Variants in TMEM242 observed in about 807,000 individuals in gnomAD.
TMEM242 encodes UPF0463 transmembrane protein C6orf35.
Under a neutral mutation model 18.2 loss-of-function variants are expected in TMEM242, and 10 were observed. The observed-to-expected ratio is 0.55, with a 90% confidence interval of 0.34 to 0.93. The LOEUF is 0.93. Ranked by LOEUF, TMEM242 falls within the 40% of genes least tolerant of loss-of-function variation. TMEM242 has a pLI of 0.02. For missense variants in TMEM242, 186 were observed against 175.5 expected, an observed-to-expected ratio of 1.06 and a Z score of -0.34; for synonymous variants, 57 against 69.9, an observed-to-expected ratio of 0.81 and a Z score of 0.92.
chr6:157,298,511 G>A (rs1777781658), intron 3 of TMEM242, among the ~76,000 whole-genome samples: 1 of 152,166 alleles, frequency 6.6e-6, no homozygotes, highest in Non-Finnish European at 1.5e-5. Context: ...GTACACACAT[G>A]CCCAACATGC....
At chr6:157,304,528 G>A (rs1777883993) in intron 3 of TMEM242, among the ~76,000 whole-genome samples, 1 of 142,030 alleles carries the variant, frequency 7.0e-6, no homozygotes, top group African/African-American at 2.6e-5. Flanking sequence ...TGAAATGGTA[G>A]AAGTGATGTG....
In TMEM242 at chr6:157,289,053, C is replaced by CT. The variant is rs370405479; in HGVS notation, c.*3847dup. On this transcript the variant is annotated 3_prime_UTR_variant, in exon 4 of 4. Transcript: ENST00000400788. ...CTTTAAGTACATTTAATACATTCACCTTTTTTTTTTTTTAAAGTAAGGGAT... is the reference window on the plus strand; with the variant it reads ...CTTTAAGTACATTTAATACATTCACCTTTTTTTTTTTTTTAAAGTAAGGGAT... Among the ~76,000 whole-genome samples the CT allele has an allele frequency of 0.69, 101,253 of 147,088 alleles. 35,220 individuals are homozygous for CT. The highest frequency in any genetic ancestry group is 0.75 in the Non-Finnish European group (50,398 of 66,948).
chr6:157,293,432 CATA>C (rs1777710233), intron 3 of TMEM242, among the ~76,000 whole-genome samples: 1 of 152,122 alleles, frequency 6.6e-6, no homozygotes, highest in South Asian at 2.1e-4. Context: ...GTCAACTCTC[CATA>C]ATAATTATTC....
At chr6:157,315,286 A>G (rs1554250213) in intron 3 of TMEM242, among the ~76,000 whole-genome samples, 1 of 152,238 alleles carries the variant, frequency 6.6e-6, no homozygotes, top group Non-Finnish European at 1.5e-5. Context: ...GGTAAGGTTT[A>G]CCCCTTTACA....
rs782319128 is a variant in TMEM242, at chr6:157,305,437, A to G, written c.328-12438T>C. Among the ~76,000 whole-genome samples, 2 of 152,156 alleles carry G rather than the reference A, an allele frequency of 1.3e-5. No individual in the cohort carries two copies. The highest frequency in any genetic ancestry group is 4.8e-5 in the African/African-American group (2 of 41,426). On this transcript the variant is annotated intron_variant, in intron 3 of 3. Transcript: ENST00000400788. The surrounding 1 kb of genome is among the most constrained non-coding windows in gnomAD (Gnocchi z 4.1). Reference sequence around the variant, plus strand: ...GGAAATCAAGTGCTCTAGTTGGGACATGGGTCATGTGACACGCCTATGAGG... The same window carrying G: ...GGAAATCAAGTGCTCTAGTTGGGACGTGGGTCATGTGACACGCCTATGAGG...
chr6:157,313,541 G>C (rs1385091010), intron 3 of TMEM242, among the ~76,000 whole-genome samples: 1 of 55,642 alleles, frequency 1.8e-5, no homozygotes, highest in Non-Finnish European at 5.5e-5. Context: ...CGTCATCATA[G>C]TGCCCCAGTG....
rs1777671761 is a variant in TMEM242, at chr6:157,290,574, T to A, written c.*2327A>T. The A allele has an allele frequency of 6.6e-6, 1 of 152,196 alleles. No individual in the cohort carries two copies. The highest frequency in any genetic ancestry group is 2.4e-5 in the African/African-American group (1 of 41,440). 9.4% of individuals were successfully genotyped at this position (152,196 alleles called of 1,614,324 possible). On this transcript the variant is annotated 3_prime_UTR_variant, in exon 4 of 4. Coordinates refer to ENST00000400788, the MANE Select transcript of TMEM242 (RefSeq NM_018452.6). The stretch of plus-strand genomic sequence containing the variant: ...TGGTACGTCTCATAAAGAATAACAT[T>A]ATCTGTTCAACATTTTTCCTTTCCA...
At chr6:157,321,051 C>T (rs1562389356) in intron 2 of TMEM242, among the ~76,000 whole-genome samples, 1 of 149,700 alleles carries the variant, frequency 6.7e-6, no homozygotes, top group Non-Finnish European at 1.5e-5. Context: ...CTCTGTCACC[C>T]AGGCTGGAGT....
intron 2 of TMEM242, among the ~76,000 whole-genome samples, chr6:157,320,004 A>G (rs1042053202): frequency 6.6e-6 from 1 of 152,204 alleles, no homozygotes; most frequent in African/African-American, 2.4e-5. Flanking sequence ...AATATTAGAT[A>G]TTATCAATGT....
rs782418020 is a variant in TMEM242, at chr6:157,323,489, G to C, written c.11C>G (p.Ala4Gly). 6 of 1,613,596 alleles carry C rather than the reference G, an allele frequency of 3.7e-6. No homozygotes were observed. Among genetic ancestry groups the C allele is most frequent in the Non-Finnish European group, 8.5e-7 (1 of 1,179,814 alleles). Reference protein sequence around the residue: METAGAATGQPASG... With the variant: METGGAATGQPASG... Reference sequence around the variant, plus strand: ...GGCCGGCTGCCCAGTTGCAGCGCCCGCTGTCTCCATGTTTAGGTCGCCTCT... The same window carrying C: ...GGCCGGCTGCCCAGTTGCAGCGCCCCCTGTCTCCATGTTTAGGTCGCCTCT... Residue 4 changes from alanine to glycine, a missense_variant, in exon 1 of 4, where the codon GCG (alanine) becomes GGG (glycine). Coordinates refer to ENST00000400788, the MANE Select transcript of TMEM242 (RefSeq NM_018452.6).
At chr6:157,311,427 C>CT (rs1778089103) in intron 3 of TMEM242, among the ~76,000 whole-genome samples, 38 of 9,696 alleles carry the variant, frequency 3.9e-3, no homozygotes, top group South Asian at 0.013. Flanking sequence ...TGCACGCATA[C>CT]GGCCTCATCA....
At chr6:157,319,518 C>T (rs1778459712) in intron 2 of TMEM242, among the ~76,000 whole-genome samples, 2 of 152,292 alleles carry the variant, frequency 1.3e-5, no homozygotes, top group South Asian at 4.1e-4. Context: ...TAGCTTGCAC[C>T]TTCCTCTTTC....
At chr6:157,300,074 CCTGCCGAGCT>C in intron 3 of TMEM242, 1 of 728,680 alleles carries the variant, frequency 1.4e-6, no homozygotes, top group East Asian at 2.5e-5. Flanking sequence ...GAAATTCGCT[CCTGCCGAGCT>C]CACTCTCCGG....
In TMEM242 at chr6:157,323,063, C is replaced by T. The variant is rs143730993; in HGVS notation, c.89-258G>A. 7.0e-4 allele frequency among the ~76,000 whole-genome samples: 106 copies of T among 152,254 alleles called. 1 individual carries two copies. The East Asian group carries it at 0.016, about 23-fold the overall frequency. On this transcript the variant is annotated intron_variant, in intron 1 of 3. Coordinates refer to ENST00000400788, the MANE Select transcript of TMEM242 (RefSeq NM_018452.6). ...GAGCGCAGAGAAAAGGTTCAGCTTC[C>T]CTTCCCCTCTCCCCTGGGACCACAG...
At chr6:157,310,623 G>C (rs113840485) in intron 3 of TMEM242, among the ~76,000 whole-genome samples, 1 of 74,144 alleles carries the variant, frequency 1.3e-5, no homozygotes, top group African/African-American at 5.4e-5. Flanking sequence ...CCCTCACCTA[G>C]CCTCATCATA....
At chr6:157,312,901 C>G (rs1554249501) in intron 3 of TMEM242, among the ~76,000 whole-genome samples, 1 of 151,948 alleles carries the variant, frequency 6.6e-6, no homozygotes, top group Non-Finnish European at 1.5e-5. Context: ...TCATAGTGTC[C>G]CACTGTGCGC....
At position 157,323,393 on chromosome 6, in the gene TMEM242, T is replaced by C; in HGVS notation, c.88+19A>G. 1 of 1,612,284 alleles carries C rather than the reference T, an allele frequency of 6.2e-7. No homozygotes were observed. The highest frequency in any genetic ancestry group is 8.5e-7 in the Non-Finnish European group (1 of 1,178,618). On this transcript the variant is annotated intron_variant, in intron 1 of 3. Transcript: ENST00000400788. The stretch of plus-strand genomic sequence containing the variant: ...GTTAACTCACCCCGACGCCCGCACC[T>C]CACCACAGCACATCTTACCTTTAAC...
chr6:157,320,436 A>G (rs1314363440), intron 2 of TMEM242, among the ~76,000 whole-genome samples: 1 of 152,200 alleles, frequency 6.6e-6, no homozygotes, highest in Non-Finnish European at 1.5e-5. Context: ...AAACTGTGCA[A>G]AGAGAGACAA....
At chr6:157,314,816 C>G (rs911628953) in intron 3 of TMEM242, among the ~76,000 whole-genome samples, 2 of 152,244 alleles carry the variant, frequency 1.3e-5, no homozygotes, top group Admixed American at 1.3e-4. Context: ...TTAAAGAAAC[C>G]GAAGTTTCAC....
Sources: gnomAD v4.1 joint callset for allele counts (sites outside exome capture counted in the v4.1 genomes callset) on GRCh38, gnomAD v4.1.1 for gene constraint, Gnocchi (gnomAD v3.1) non-coding constraint, MANE v1.5 for transcripts, NCBI Gene and HGNC (gene_info 2026-07-23, HGNC 2026-07-21) for gene names.